SGCZ: variants seen among roughly 807,000 people sequenced by gnomAD.
The protein encoded by SGCZ is sarcoglycan zeta, also known as zeta-sarcoglycan.
In SGCZ, 40 loss-of-function variants were observed where a neutral mutation model predicts 41.3. The observed-to-expected ratio is 0.97, with a 90% CI of 0.75 to 1.26. SGCZ has a LOEUF of 1.26. SGCZ is among the 50% of genes most tolerant of loss of function. The pLI is 0.00. For missense variants in SGCZ, 552 were observed against 369.8 expected (o/e 1.49, Z -4.04); for synonymous variants, 206 against 137.5 (o/e 1.50, Z -3.49).
At chr8:15,053,842 T>G (rs1804609180) in intron 1 of SGCZ, among the ~76,000 whole-genome samples, 5 of 152,226 alleles carry the variant, frequency 3.3e-5, no homozygotes, top group Admixed American at 3.3e-4. Flanking sequence ...CACACACTTA[T>G]GAGTTTGACA....
intron 1 of SGCZ, among the ~76,000 whole-genome samples, chr8:14,790,860 G>C (rs1051155275): frequency 6.6e-6 from 1 of 151,788 alleles, no homozygotes; most frequent in Admixed American, 6.6e-5. Context: ...GTGAAACTCG[G>C]TCTCTACTAA....
intron 2 of SGCZ, among the ~76,000 whole-genome samples, chr8:14,348,957 C>A (rs1229344262): frequency 6.6e-6 from 1 of 152,060 alleles, no homozygotes; most frequent in Non-Finnish European, 1.5e-5. Context: ...ATTTACTGGA[C>A]TCATTTTTAC....
intron 1 of SGCZ, among the ~76,000 whole-genome samples, chr8:15,118,847 G>C (rs62499782): frequency 0.16 from 24,192 of 152,070 alleles, 2,183 homozygotes; most frequent in Non-Finnish European, 0.21. Flanking sequence ...ATGCCTTTAA[G>C]TAATACGATA....
intron 1 of SGCZ, among the ~76,000 whole-genome samples, chr8:14,556,197 T>C (rs994802749): frequency 1.3e-4 from 19 of 151,976 alleles, no homozygotes; most frequent in Non-Finnish European, 1.6e-4. Flanking sequence ...AAACTGATTT[T>C]TATAAAATAT....
chr8:14,677,730 A>G (rs542597456), intron 1 of SGCZ, among the ~76,000 whole-genome samples: 3 of 152,136 alleles, frequency 2.0e-5, no homozygotes, highest in Non-Finnish European at 4.4e-5. Context: ...AAGATCGCAC[A>G]AGTAAACTCC....
chr8:14,326,302 A>C (rs1650248200), intron 2 of SGCZ, among the ~76,000 whole-genome samples: 1 of 151,950 alleles, frequency 6.6e-6, no homozygotes, highest in South Asian at 2.1e-4. Context: ...AGTTGAGGGA[A>C]TATAATGGCC....
intron 2 of SGCZ, among the ~76,000 whole-genome samples, chr8:14,485,718 GTCTATCT>G: frequency 6.6e-6 from 1 of 152,072 alleles, no homozygotes; most frequent in Non-Finnish European, 1.5e-5. Context: ...AATCTAATTG[GTCTATCT>G]TTCCTCAACT....
intron 1 of SGCZ, among the ~76,000 whole-genome samples, chr8:14,656,705 C>T (rs902972672): frequency 6.6e-6 from 1 of 150,694 alleles, no homozygotes; most frequent in Non-Finnish European, 1.5e-5. Context: ...CTCTTTCTTT[C>T]TCCACTGGAA....
intron 1 of SGCZ, among the ~76,000 whole-genome samples, chr8:15,133,043 T>A (rs1182003126): frequency 1.3e-5 from 2 of 151,960 alleles, no homozygotes; most frequent in Admixed American, 6.6e-5. Context: ...CTTGAGAGGC[T>A]GAGGTAGGAG....
At chr8:14,267,043 G>A (rs1563222870) in intron 3 of SGCZ, among the ~76,000 whole-genome samples, 1 of 151,838 alleles carries the variant, frequency 6.6e-6, no homozygotes, top group Non-Finnish European at 1.5e-5. Context: ...GTTTTTACAG[G>A]GTTTCACTTT....
Position 14,090,459 on chromosome 8 carries a change from A to G in SGCZ, c.923T>C (p.Ile308Thr). ...TCAGTCACTTCAGCTCCACAGGCAG[A>G]TGTTGCTACTGGACTGACAAGTGGA... Reference protein sequence around the residue: ...VGSTCQSSSNICLWS With the variant: ...VGSTCQSSSNTCLWS Residue 308 changes from isoleucine (I) to threonine (T), a missense_variant, in exon 8 of 8, where the codon ATC (isoleucine) becomes ACC (threonine). Ile to Thr is a moderately conservative substitution (Grantham distance 89). Coordinates refer to ENST00000382080, the MANE Select transcript of SGCZ (RefSeq NM_139167.4). 1 of 1,612,344 alleles carries G rather than the reference A, an allele frequency of 6.2e-7. No individual in the cohort carries two copies. Among genetic ancestry groups the G allele is most frequent in the Non-Finnish European group, 8.5e-7 (1 of 1,179,066 alleles).
At chr8:14,432,109 G>A (rs1799959144) in intron 2 of SGCZ, among the ~76,000 whole-genome samples, 1 of 152,142 alleles carries the variant, frequency 6.6e-6, no homozygotes, top group Non-Finnish European at 1.5e-5. Flanking sequence ...AACCACTACG[G>A]AAAACACTGT....
At chr8:14,932,565 G>C (rs911049021) in intron 1 of SGCZ, among the ~76,000 whole-genome samples, 1 of 151,880 alleles carries the variant, frequency 6.6e-6, no homozygotes, top group African/African-American at 2.4e-5. Context: ...TTATACTCTA[G>C]CTACTGAAAT....
At chr8:14,701,572 G>A (rs543599204) in intron 1 of SGCZ, among the ~76,000 whole-genome samples, 25 of 152,046 alleles carry the variant, frequency 1.6e-4, no homozygotes, top group Admixed American at 3.3e-4. Context: ...CGTGCTGCCT[G>A]GTAACTCTAC....
intron 2 of SGCZ, among the ~76,000 whole-genome samples, chr8:14,486,371 G>T (rs1023063713): frequency 2.0e-5 from 3 of 152,128 alleles, no homozygotes; most frequent in Admixed American, 2.0e-4. Flanking sequence ...CACTGGCCAT[G>T]GATCCCTCAA....
At chr8:14,145,300 C>T (rs1333066936) in intron 5 of SGCZ, among the ~76,000 whole-genome samples, 1 of 152,156 alleles carries the variant, frequency 6.6e-6, no homozygotes, top group Non-Finnish European at 1.5e-5. Context: ...AGAATTCTCT[C>T]AGATCTTGTC....
At chr8:15,164,358 C>T (rs2117047698) in intron 1 of SGCZ, among the ~76,000 whole-genome samples, 1 of 152,176 alleles carries the variant, frequency 6.6e-6, no homozygotes, top group South Asian at 2.1e-4. Flanking sequence ...CAGCTCCCAG[C>T]CGCTCCCCAC....
chr8:14,794,359 T>C (rs1249471398), intron 1 of SGCZ, among the ~76,000 whole-genome samples: 1 of 151,988 alleles, frequency 6.6e-6, no homozygotes, highest in Non-Finnish European at 1.5e-5. Flanking sequence ...GATGAGAAAA[T>C]ATACTGCAGG....
At chr8:14,797,823 C>A (rs1801187024) in intron 1 of SGCZ, among the ~76,000 whole-genome samples, 2 of 152,206 alleles carry the variant, frequency 1.3e-5, no homozygotes, top group South Asian at 4.1e-4. Context: ...GCTGCCCCAG[C>A]CATGGCTTAA....
Sources: gnomAD v4.1 joint callset for allele counts (sites outside exome capture counted in the v4.1 genomes callset) on GRCh38, gnomAD v4.1.1 for gene constraint, MANE v1.5 for transcripts, NCBI Gene and HGNC (gene_info 2026-07-23, HGNC 2026-07-21) for gene names.